Variants in MYO9B observed in about 807,000 individuals in gnomAD.
The protein encoded by MYO9B is unconventional myosin-IXb.
MYO9B carries 71 observed loss-of-function variants against 229.5 expected under a neutral mutation model. The observed-to-expected ratio is 0.31, with a 90% CI of 0.26 to 0.38. The LOEUF is 0.38. Among genes scored for constraint, MYO9B ranks in the 10% least tolerant of loss-of-function variants. MYO9B has a pLI of 1.00. For synonymous variants in MYO9B, 1,185 were observed against 1,235.8 expected (o/e 0.96, Z 0.86); for missense variants, 2,255 against 2,920.5 (o/e 0.77, Z 5.25).
At chr19:17,092,468 T>G (rs2057647017) in intron 1 of MYO9B, among the ~76,000 whole-genome samples, 2 of 152,120 alleles carry the variant, frequency 1.3e-5, no homozygotes, top group African/African-American at 2.4e-5. Context: ...TGCATGAGTG[T>G]TCATATGGAA....
At position 17,202,855 on chromosome 19, in the gene MYO9B, A is replaced by T. The variant is rs370266862; in HGVS notation, c.4850A>T (p.Gln1617Leu). 5.6e-6 allele frequency: 9 copies of T among 1,600,676 alleles called. No individual in the cohort carries two copies. Among genetic ancestry groups the T allele is most frequent in the Admixed American group, 5.2e-5 (3 of 57,736 alleles). Residue 1617 changes from glutamine to leucine, a missense_variant, in exon 29 of 40, where the codon CAG becomes CTG. By Grantham distance (113) the Gln-to-Leu change is moderately radical. Coordinates refer to ENST00000682292, the MANE Select transcript of MYO9B (RefSeq NM_004145.4). The stretch of plus-strand genomic sequence containing the variant: ...TGTTCCTCACAGCAGAGCAAAGCTC[A>T]GAAGAAGAAGCGGAAGCAGGAGCGT... ...DFEPVKQSKA[Q>L]KKKRKQERAV... is the part of the protein sequence containing the mutation.
At chr19:17,091,097 G>A (rs932581030) in intron 1 of MYO9B, among the ~76,000 whole-genome samples, 2 of 152,186 alleles carry the variant, frequency 1.3e-5, no homozygotes, top group African/African-American at 4.8e-5. Context: ...CCCAGAGGCG[G>A]ACCACATGTA....
intron 2 of MYO9B, among the ~76,000 whole-genome samples, chr19:17,113,863 G>A (rs2057873728): frequency 6.6e-6 from 1 of 152,152 alleles, no homozygotes. Context: ...CGAGAAAGCA[G>A]AATAAGCCAT....
At chr19:17,184,025 T>G (rs1158505377) in intron 16 of MYO9B, 157 bp downstream of exon 16, 2 of 742,704 alleles carry the variant, frequency 2.7e-6, no homozygotes, top group Non-Finnish European at 4.3e-6. Context: ...TGAGATGATT[T>G]AGAGCTGTCT....
chr19:17,190,720 G>A (rs369142624), intron 19 of MYO9B, among the ~76,000 whole-genome samples: 71 of 151,364 alleles, frequency 4.7e-4, no homozygotes, highest in South Asian at 1.5e-3. Context: ...TTACAATGGC[G>A]CAATCTTGGC....
chr19:17,164,672 G>A (rs886754555), intron 10 of MYO9B, among the ~76,000 whole-genome samples: 1 of 152,136 alleles, frequency 6.6e-6, no homozygotes, highest in African/African-American at 2.4e-5. Flanking sequence ...GTGAGCCACC[G>A]CGCCTGGCCC....
chr19:17,206,196 C>T (rs775108522), intron 32 of MYO9B, 44 bp downstream of exon 32: 2 of 1,602,890 alleles, frequency 1.2e-6, no homozygotes, highest in South Asian at 1.1e-5. Flanking sequence ...GCCCCAGGCA[C>T]AGCCGTCCTG....
At position 17,117,665 on chromosome 19, in the gene MYO9B, C is replaced by T. The variant is rs73008403; in HGVS notation, c.840+15108C>T. Among the ~76,000 whole-genome samples the T allele has an allele frequency of 3.5e-3, 528 of 152,212 alleles. 2 individuals are homozygous for T. Among genetic ancestry groups the T allele is most frequent in the Non-Finnish European group, 6.6e-3 (449 of 68,012 alleles). ...TCATTACAGTATTCTCAGCCCGATG[C>T]GGTGGCTCACGCCTGTAAGCCCAGC... On this transcript the variant is annotated intron_variant, in intron 2 of 39. Coordinates refer to ENST00000682292, the MANE Select transcript of MYO9B (RefSeq NM_004145.4).
Position 17,190,486 on chromosome 19 carries a change from T to C in MYO9B, c.2689-611T>C, listed in dbSNP as rs374483879. ...CTACAAAAATATTTTTTTAATTAGC[T>C]GGGCATGGTGGCTACAGGACTATGT... On this transcript the variant is annotated intron_variant, in intron 19 of 39. Transcript: ENST00000682292. Among the ~76,000 whole-genome samples, 5 of 150,518 alleles carry C rather than the reference T, an allele frequency of 3.3e-5. No homozygotes were observed. In the East Asian group the frequency reaches 6.3e-4, roughly 19 times the overall value.
intron 1 of MYO9B, among the ~76,000 whole-genome samples, chr19:17,080,935 G>A (rs1167051828): frequency 6.6e-6 from 1 of 151,922 alleles, no homozygotes; most frequent in Non-Finnish European, 1.5e-5. Context: ...ATTTCAATAT[G>A]TGAATATTTC....
intron 1 of MYO9B, among the ~76,000 whole-genome samples, chr19:17,098,895 C>G (rs1420643594): frequency 7.0e-6 from 1 of 142,918 alleles, no homozygotes; most frequent in African/African-American, 2.6e-5. Context: ...GTGATCATGC[C>G]AATGCACCCC....
intron 1 of MYO9B, among the ~76,000 whole-genome samples, chr19:17,084,731 A>C (rs2057566576): frequency 4.6e-5 from 7 of 151,528 alleles, no homozygotes; most frequent in Non-Finnish European, 1.5e-5. Flanking sequence ...AAAAGAAAAA[A>C]AGAAAAACAC....
intron 2 of MYO9B, among the ~76,000 whole-genome samples, chr19:17,142,165 T>C (rs1191166976): frequency 2.7e-5 from 3 of 111,390 alleles, no homozygotes; most frequent in African/African-American, 1.1e-4. Flanking sequence ...ACCCTGCCTT[T>C]TAAAAAAAAA....
chr19:17,184,671 G>A (rs2072898033), intron 16 of MYO9B, 194 bp from the exon 17 acceptor site: 4 of 604,834 alleles, frequency 6.6e-6, no homozygotes, highest in Middle Eastern at 4.6e-4. Flanking sequence ...CCAGCGCTGT[G>A]TGCAAGGTGC....
At chr19:17,182,613 C>T (rs1332706754) in intron 15 of MYO9B, among the ~76,000 whole-genome samples, 2 of 151,896 alleles carry the variant, frequency 1.3e-5, no homozygotes, top group Non-Finnish European at 2.9e-5. Context: ...ACCATGTTGG[C>T]CAGGCTGGTC....
At chr19:17,088,499 G>C (rs568342470) in intron 1 of MYO9B, among the ~76,000 whole-genome samples, 112 of 152,248 alleles carry the variant, frequency 7.4e-4, no homozygotes, top group Non-Finnish European at 1.2e-3. Context: ...GGCTCCCCCA[G>C]CTGCTCCCCG....
At chr19:17,119,864 G>A (rs181034078) in intron 2 of MYO9B, among the ~76,000 whole-genome samples, 5 of 152,204 alleles carry the variant, frequency 3.3e-5, no homozygotes, top group Admixed American at 2.6e-4. Flanking sequence ...TAGTCAGGAT[G>A]GTCTCGATCT....
chr19:17,185,857 C>T, intron 17 of MYO9B, 64 bp from the exon 18 acceptor site: 2 of 1,357,236 alleles, frequency 1.5e-6, no homozygotes, highest in Non-Finnish European at 2.1e-6. Context: ...CAGGTCTGCT[C>T]CCACAGAACA....
chr19:17,185,604 G>T (rs890028772), intron 17 of MYO9B, among the ~76,000 whole-genome samples: 3 of 151,978 alleles, frequency 2.0e-5, no homozygotes, highest in Non-Finnish European at 4.4e-5. Context: ...CCCTTCTGAG[G>T]TTGACACATG....
Sources: allele counts gnomAD v4.1 joint callset (sites outside exome capture counted in the v4.1 genomes callset), GRCh38; gene constraint gnomAD v4.1.1; transcripts MANE v1.5; gene names NCBI Gene and HGNC (gene_info 2026-07-23, HGNC 2026-07-21).